Variants in SRGAP1 observed in about 807,000 individuals in gnomAD.
SRGAP1 encodes SLIT-ROBO Rho GTPase activating protein 1, also known as SLIT-ROBO Rho GTPase-activating protein 1.
A neutral mutation model predicts 121.9 loss-of-function variants in SRGAP1; 43 were observed. The ratio of observed to expected loss-of-function variants is 0.35; its 90% CI spans 0.28 to 0.46. SRGAP1 has a LOEUF of 0.46. SRGAP1 is among the 20% of genes least tolerant of loss of function. The pLI is 1.00. For missense variants in SRGAP1, 1,102 were observed against 1,350.9 expected, an observed-to-expected ratio of 0.82 and a Z score of 2.89; for synonymous variants, 447 against 485.4, an observed-to-expected ratio of 0.92 and a Z score of 1.04.
intron 6 of SRGAP1, among the ~76,000 whole-genome samples, chr12:64,060,457 C>G (rs1162905902): frequency 6.6e-6 from 1 of 152,096 alleles, no homozygotes; most frequent in Non-Finnish European, 1.5e-5. Flanking sequence ...GTCCTCCCAC[C>G]TTGGCCCCTT....
Position 64,152,936 on chromosome 12 carries a change from AC to A in SRGAP1, c.*10266del, listed in dbSNP as rs751364224. The A allele has an allele frequency of 2.1e-5, 3 of 141,860 alleles. No individual in the cohort carries two copies. Among genetic ancestry groups the A allele is most frequent in the Admixed American group, 6.9e-5 (1 of 14,466 alleles). 8.8% of individuals were successfully genotyped at this position (141,860 alleles called of 1,614,324 possible). ...TAAAAAAAAAAAAAAAAAAAAAAAA[AC>A]CACTACATAAGCCAACAGCTAAACC... On this transcript the variant is annotated 3_prime_UTR_variant, in exon 22 of 22. Coordinates refer to ENST00000355086, the MANE Select transcript of SRGAP1 (RefSeq NM_020762.4).
At chr12:63,903,969 G>A (rs2030069379) in intron 1 of SRGAP1, among the ~76,000 whole-genome samples, 1 of 151,958 alleles carries the variant, frequency 6.6e-6, no homozygotes, top group Non-Finnish European at 1.5e-5. Context: ...TACACATAAT[G>A]AATATTTTAT....
In SRGAP1 at chr12:64,160,845, C is replaced by T; in HGVS notation, c.*18173C>T. The T allele has an allele frequency of 6.6e-6, 1 of 152,304 alleles. No homozygotes were observed. The highest frequency in any genetic ancestry group is 2.1e-4 in the South Asian group (1 of 4,826). 9.4% of individuals were successfully genotyped at this position (152,304 alleles called of 1,614,324 possible). A position where few individuals can be genotyped will look rare whatever the true frequency, so the allele number is the denominator to read the frequency against. On this transcript the variant is annotated 3_prime_UTR_variant, in exon 22 of 22. Transcript: ENST00000355086. ...AACAAGAAGGATTGTGCCCATATTT[C>T]TCTATTCTCTCTAGCATTATGAATC...
At chr12:64,049,537 G>A (rs2035197534) in intron 6 of SRGAP1, among the ~76,000 whole-genome samples, 1 of 152,144 alleles carries the variant, frequency 6.6e-6, no homozygotes, top group Non-Finnish European at 1.5e-5. Context: ...GAGGGTAATT[G>A]TCCCCATGAT....
chr12:63,971,582 A>T (rs1370208124), intron 1 of SRGAP1, among the ~76,000 whole-genome samples: 1 of 152,196 alleles, frequency 6.6e-6, no homozygotes, highest in Non-Finnish European at 1.5e-5. Context: ...AGGATGAAAT[A>T]GAAAACTTAC....
At chr12:63,891,941 GT>G (rs1468438126) in intron 1 of SRGAP1, among the ~76,000 whole-genome samples, 1 of 142,538 alleles carries the variant, frequency 7.0e-6, no homozygotes, top group Non-Finnish European at 1.5e-5. Flanking sequence ...AGCTGAGACT[GT>G]ACTACTCCAC....
intron 3 of SRGAP1, among the ~76,000 whole-genome samples, chr12:64,000,468 C>T (rs2033853646): frequency 6.6e-6 from 1 of 151,942 alleles, no homozygotes; most frequent in South Asian, 2.1e-4. Flanking sequence ...TAAAAGTTAG[C>T]CAGCCATGAC....
chr12:63,865,686 T>C (rs185575555), intron 1 of SRGAP1, among the ~76,000 whole-genome samples: 1 of 152,124 alleles, frequency 6.6e-6, no homozygotes, highest in African/African-American at 2.4e-5. Flanking sequence ...GTTGGTCGAG[T>C]GAAGTTCATT....
In SRGAP1 at chr12:64,153,346, A is replaced by G. The variant is rs1211760193; in HGVS notation, c.*10674A>G. ...AAATTAGCCGGGCTTGGTGGTGCAC[A>G]ACTGTAATCCCACCTACTCGGGAGG... On this transcript the variant is annotated 3_prime_UTR_variant, in exon 22 of 22. Transcript: ENST00000355086. 1.3e-5 allele frequency: 2 copies of G among 152,188 alleles called. No homozygotes were observed. Among genetic ancestry groups the G allele is most frequent in the East Asian group, 1.9e-4 (1 of 5,160 alleles). The allele number at this position is 152,188 out of a possible 1,614,324, so 9.4% of individuals were successfully genotyped here. A position where few individuals can be genotyped will look rare whatever the true frequency, so the allele number is the denominator to read the frequency against.
chr12:64,055,171 C>G (rs1593083212), intron 6 of SRGAP1, among the ~76,000 whole-genome samples: 2 of 149,228 alleles, frequency 1.3e-5, no homozygotes, highest in South Asian at 4.4e-4. Flanking sequence ...GATACAAAAT[C>G]AATGTACAAA....
rs1244448510 is a variant in SRGAP1, at chr12:64,153,228, A to G, written c.*10556A>G. 6.6e-6 allele frequency: 1 copy of G among 152,070 alleles called. No homozygotes were observed. Among genetic ancestry groups the G allele is most frequent in the Non-Finnish European group, 1.5e-5 (1 of 68,028 alleles). 9.4% of individuals were successfully genotyped at this position (152,070 alleles called of 1,614,324 possible). On this transcript the variant is annotated 3_prime_UTR_variant, in exon 22 of 22. Transcript: ENST00000355086. ...TAAAGAGTCAAACACATTCACTGTG[A>G]CTGTACCACCATAAGCAAGAAGCCC...
At chr12:64,116,323 A>G (rs907782028) in intron 18 of SRGAP1, among the ~76,000 whole-genome samples, 3 of 151,876 alleles carry the variant, frequency 2.0e-5, no homozygotes, top group Non-Finnish European at 2.9e-5. Context: ...ATAAAAAATA[A>G]CATTACAATG....
rs572768355 is a variant in SRGAP1, at chr12:64,028,378, A to G, written c.489+11366A>G. Among the ~76,000 whole-genome samples the G allele has an allele frequency of 2.0e-3, 303 of 152,356 alleles. 3 individuals carry two copies. The highest frequency in any genetic ancestry group is 6.9e-3 in the African/African-American group (287 of 41,582). On this transcript the variant is annotated intron_variant, in intron 4 of 21. Transcript: ENST00000355086. ...GCATGATTAAGTCTCTTTGCAGCTC[A>G]GTTGCTTTGACCCATAAAACAAAAA... is the stretch of plus-strand genomic sequence containing the variant.
At chr12:63,890,964 C>A (rs970038243) in intron 1 of SRGAP1, among the ~76,000 whole-genome samples, 1 of 152,236 alleles carries the variant, frequency 6.6e-6, no homozygotes, top group African/African-American at 2.4e-5. Context: ...AAAGGAAGCT[C>A]TGTGCTTTCC....
chr12:63,952,644 T>C (rs2032335828), intron 1 of SRGAP1, among the ~76,000 whole-genome samples: 1 of 152,162 alleles, frequency 6.6e-6, no homozygotes. Flanking sequence ...AGTCCCAGAA[T>C]GATCAGCTTA....
At chr12:64,109,125 T>C in intron 16 of SRGAP1, 88 bp downstream of exon 16, 1 of 830,032 alleles carries the variant, frequency 1.2e-6, no homozygotes, top group Non-Finnish European at 1.8e-6. Flanking sequence ...GTTCCATTTA[T>C]CAGCAGAGTC....
At chr12:63,995,397 C>T (rs1048396708) in intron 3 of SRGAP1, among the ~76,000 whole-genome samples, 2 of 152,092 alleles carry the variant, frequency 1.3e-5, no homozygotes, top group Non-Finnish European at 2.9e-5. Flanking sequence ...ACAAAATGCT[C>T]AGGAGTATAA....
rs192241331 is a variant in SRGAP1 at position 63,869,627 on chromosome 12, A to G, written c.67+24744A>G. ...CTGCGTTCATCTATAAGTATTCACT[A>G]TGTCATTAAAGCCTTTATAATTTGA... On this transcript the variant is annotated intron_variant, in intron 1 of 21. Coordinates refer to ENST00000355086, the MANE Select transcript of SRGAP1 (RefSeq NM_020762.4). Among the ~76,000 whole-genome samples the G allele has an allele frequency of 2.6e-3, 399 of 152,310 alleles. 2 individuals carry two copies. The highest frequency in any genetic ancestry group is 4.6e-3 in the Non-Finnish European group (312 of 68,032).
intron 1 of SRGAP1, among the ~76,000 whole-genome samples, chr12:63,847,541 G>A (rs1372849685): frequency 6.6e-6 from 1 of 151,416 alleles, no homozygotes; most frequent in Non-Finnish European, 1.5e-5. Flanking sequence ...ATCACTTGAG[G>A]CCGAGACCAG....
Sources: allele counts gnomAD v4.1 joint callset (sites outside exome capture counted in the v4.1 genomes callset), GRCh38; gene constraint gnomAD v4.1.1; transcripts MANE v1.5; gene names NCBI Gene and HGNC (gene_info 2026-07-23, HGNC 2026-07-21).